The following COL9A1 variants were observed in gnomAD, a reference collection of about 807,000 sequenced individuals.
COL9A1 encodes the protein collagen alpha-1(IX) chain.
Under a neutral mutation model 142.6 loss-of-function variants are expected in COL9A1, and 104 were observed. The ratio of observed to expected loss-of-function variants is 0.73; its 90% CI spans 0.62 to 0.86. The LOEUF is 0.86. Ranked by LOEUF, COL9A1 falls within the 40% of genes least tolerant of loss-of-function variation. COL9A1 has a pLI of 0.00. For missense variants in COL9A1, 1,210 were observed against 1,176.6 expected (o/e 1.03, Z -0.42); for synonymous variants, 466 against 396.0 (o/e 1.18, Z -2.10).
At position 70,270,329 on chromosome 6, in the gene COL9A1, G is replaced by C. The variant is rs1135052; in HGVS notation, c.1182C>G (p.Gly394=). 16 of 1,613,352 alleles carry C rather than the reference G, an allele frequency of 9.9e-6. No individual in the cohort carries two copies. In the African/African-American group the frequency reaches 2.0e-4, roughly 20 times the overall value. Residue 394 remains glycine, a synonymous_variant, in exon 15 of 38, where the codon GGC becomes GGG. Transcript: ENST00000357250. The part of the protein sequence containing the change: ...PGRRGPPGPP[G]PPGPRGTIGF... ...AATAACTTACTCTGGGTCCTGGGGG[G>C]CCAGGGGGGCCAGGTGGTCCTCTTC...
intron 4 of COL9A1, among the ~76,000 whole-genome samples, chr6:70,296,939 C>T (rs1162749808): frequency 6.6e-6 from 1 of 151,950 alleles, no homozygotes; most frequent in African/African-American, 2.4e-5. Context: ...ATTATTTTTC[C>T]AGGCTTCAAC....
In COL9A1 at chr6:70,302,204, C is replaced by CTTTT. The variant is rs202054376; in HGVS notation, c.15-134_15-131dup. 1.3e-3 allele frequency: 459 copies of CTTTT among 359,948 alleles called. 6 individuals carry two copies. Among genetic ancestry groups the CTTTT allele is most frequent in the African/African-American group, 3.6e-3 (130 of 35,864 alleles). 22.3% of individuals were successfully genotyped at this position (359,948 alleles called of 1,614,324 possible). A position where few individuals can be genotyped will look rare whatever the true frequency, so the allele number is the denominator to read the frequency against. On this transcript the variant is annotated intron_variant, in intron 1 of 37. Coordinates refer to ENST00000357250, the MANE Select transcript of COL9A1 (RefSeq NM_001851.6). The stretch of plus-strand genomic sequence containing the variant: ...TCACAGTATAGTTTTTTTTTCATTT[C>CTTTT]TTTTTTTTTTTTTTTTTTTTTTTGA...
chr6:70,241,294 C>A, intron 31 of COL9A1, 125 bp downstream of exon 31: 1 of 809,378 alleles, frequency 1.2e-6, no homozygotes, highest in Non-Finnish European at 2.2e-6. Context: ...TCACTATGAA[C>A]ACATTGAGAA....
At chr6:70,280,025 A>T in intron 10 of COL9A1, 1 of 693,568 alleles carries the variant, frequency 1.4e-6, no homozygotes. Context: ...GTAGTGGGTC[A>T]TTATTACATA....
At chr6:70,256,062 A>G (rs1771268795) in intron 21 of COL9A1, among the ~76,000 whole-genome samples, 1 of 152,172 alleles carries the variant, frequency 6.6e-6, no homozygotes, top group African/African-American at 2.4e-5. Context: ...CCCCTATGAC[A>G]GCACACATAA....
At chr6:70,248,733 G>T (rs1367106380) in intron 28 of COL9A1, among the ~76,000 whole-genome samples, 1 of 152,118 alleles carries the variant, frequency 6.6e-6, no homozygotes, top group African/African-American at 2.4e-5. Flanking sequence ...GATTCAATTC[G>T]TTTCAAGAAA....
rs746596955 is a variant in COL9A1 at position 70,302,074 on chromosome 6, C to A, written c.15G>T (p.Trp5Cys). 1.9e-6 allele frequency: 3 copies of A among 1,608,350 alleles called. No homozygotes were observed. Among genetic ancestry groups the A allele is most frequent in the Non-Finnish European group, 1.7e-6 (2 of 1,177,042 alleles). The change falls in exon 2 of 38, where the codon TGG becomes TGT. Residue 5 changes from tryptophan (W) to cysteine (C), a missense_variant and splice_region_variant. Transcript: ENST00000357250. ...ACACAAAGAAGAAAACTGGAATTTT[C>A]CTGAAGAAGAGAGAAGAAAAATGAC... is the stretch of plus-strand genomic sequence containing the variant. MKTC[W>C]KIPVFFFVCS...
chr6:70,293,753 A>G (rs914843466), intron 5 of COL9A1, among the ~76,000 whole-genome samples: 1 of 151,100 alleles, frequency 6.6e-6, no homozygotes, highest in Non-Finnish European at 1.5e-5. Context: ...TTTTTCCCTT[A>G]ATGGTGTTTC....
intron 25 of COL9A1, 107 bp from the exon 26 acceptor site, chr6:70,253,536 C>A: frequency 1.2e-6 from 1 of 800,020 alleles, no homozygotes; most frequent in Admixed American, 1.9e-5. Flanking sequence ...ATGATAACCT[C>A]AAAGCTTTAA....
chr6:70,260,411 C>T (rs1771594824), intron 20 of COL9A1, among the ~76,000 whole-genome samples: 1 of 151,936 alleles, frequency 6.6e-6, no homozygotes, highest in South Asian at 2.1e-4. Context: ...GGCGTGGTGG[C>T]AGGCGCCTGT....
In COL9A1 at chr6:70,241,435, C is replaced by G; in HGVS notation, c.2018G>C (p.Gly673Ala). The G allele has an allele frequency of 1.2e-6, 2 of 1,611,120 alleles. No homozygotes were observed. The highest frequency in any genetic ancestry group is 2.2e-5 in the South Asian group (2 of 91,026). ...KGDRGVVGEP[G>A]PKGEQGASGE... is the part of the protein sequence containing the mutation. Reference sequence around the variant, plus strand: ...AAGACTGACCTGTTCACCCTTTGGACCCGGTTCACCGACTACACCCTGTAA... The same window carrying G: ...AAGACTGACCTGTTCACCCTTTGGAGCCGGTTCACCGACTACACCCTGTAA... Residue 673 changes from glycine to alanine, a missense_variant, in exon 31 of 38, where the codon GGT becomes GCT. Gly to Ala is a moderately conservative substitution (Grantham distance 60). Coordinates refer to ENST00000357250, the MANE Select transcript of COL9A1 (RefSeq NM_001851.6).
chr6:70,237,808 T>C (rs1583229619), intron 33 of COL9A1, among the ~76,000 whole-genome samples: 8 of 152,356 alleles, frequency 5.3e-5, no homozygotes, highest in African/African-American at 1.7e-4. Context: ...GTTAATACGA[T>C]GTAATAATAT....
chr6:70,270,959 G>A (rs2127590285), intron 14 of COL9A1, among the ~76,000 whole-genome samples: 1 of 152,258 alleles, frequency 6.6e-6, no homozygotes, highest in South Asian at 2.1e-4. Flanking sequence ...TTTACTCTTG[G>A]CACATTTTCC....
chr6:70,241,416 G>C lies in COL9A1; in HGVS notation c.2034+3C>G. On this transcript the variant is annotated splice_donor_region_variant and intron_variant, in intron 31 of 37. Transcript: ENST00000357250. ...TTTATACCAATTAAATAATAAGACT[G>C]ACCTGTTCACCCTTTGGACCCGGTT... 5.0e-6 allele frequency: 8 copies of C among 1,608,336 alleles called. No individual in the cohort carries two copies. The highest frequency in any genetic ancestry group is 6.0e-6 in the Non-Finnish European group (7 of 1,174,720).
chr6:70,281,092 G>C (rs1165928208), intron 8 of COL9A1, 53 bp from the exon 9 acceptor site: 2 of 1,468,076 alleles, frequency 1.4e-6, no homozygotes, highest in African/African-American at 2.8e-5. Context: ...ATAGGCTGAG[G>C]ACCCCACTGG....
chr6:70,226,327 A>G (rs866506581), intron 36 of COL9A1, among the ~76,000 whole-genome samples: 1 of 152,206 alleles, frequency 6.6e-6, no homozygotes, highest in Non-Finnish European at 1.5e-5. Context: ...ATCTCAACCC[A>G]AAAGCTAGCA....
chr6:70,271,609 T>G (rs772732261), intron 14 of COL9A1, 46 bp downstream of exon 14: 19 of 1,573,734 alleles, frequency 1.2e-5, no homozygotes, highest in Non-Finnish European at 1.7e-5. Flanking sequence ...AATAACATCT[T>G]CTATTAAATC....
chr6:70,234,787 C>A lies in COL9A1; in HGVS notation c.2259+7G>T, dbSNP rs373480203. 2.3e-5 allele frequency: 37 copies of A among 1,614,098 alleles called. No homozygotes were observed. The African/African-American group carries it at 4.1e-4, about 18-fold the overall frequency. On this transcript the variant is annotated splice_region_variant and intron_variant, in intron 34 of 37. Coordinates refer to ENST00000357250, the MANE Select transcript of COL9A1 (RefSeq NM_001851.6). ...AAGGGAAACCACAGAAGCTGCCCAC[C>A]ACTCACCGGAGGGCCCTGGACACCA... is the stretch of plus-strand genomic sequence containing the variant.
At chr6:70,265,568 T>C (rs537220785) in intron 18 of COL9A1, among the ~76,000 whole-genome samples, 208 of 151,960 alleles carry the variant, frequency 1.4e-3, no homozygotes, top group South Asian at 7.1e-3. Flanking sequence ...GCAGGTACTT[T>C]ATATTTGTCA....
Sources: gnomAD v4.1 joint callset for allele counts (sites outside exome capture counted in the v4.1 genomes callset) on GRCh38, gnomAD v4.1.1 for gene constraint, MANE v1.5 for transcripts, NCBI Gene and HGNC (gene_info 2026-07-23, HGNC 2026-07-21) for gene names.